Variants in UBN1 observed in about 807,000 individuals in gnomAD.
The protein encoded by UBN1 is ubinuclein-1.
UBN1 carries 17 observed loss-of-function variants against 108.5 expected under a neutral mutation model. That is an observed-to-expected ratio of 0.16 (90% CI 0.11 to 0.24). The LOEUF (loss-of-function observed/expected upper bound fraction) is 0.24, where lower values mean the gene tolerates loss of function less well. Among genes scored for constraint, UBN1 ranks in the 10% least tolerant of loss-of-function variants. UBN1 has a pLI of 1.00. For missense variants in UBN1, 1,595 were observed against 1,394.4 expected, an observed-to-expected ratio of 1.14 and a Z score of -2.29; for synonymous variants, 726 against 564.2, an observed-to-expected ratio of 1.29 and a Z score of -4.07.
chr16:4,862,878 T>G (rs181413801), intron 7 of UBN1, among the ~76,000 whole-genome samples: 7 of 152,246 alleles, frequency 4.6e-5, no homozygotes, highest in Non-Finnish European at 1.0e-4. Flanking sequence ...CAGTTAGCTC[T>G]TGGGCATAAC....
chr16:4,867,341 G>C (rs1242567763), intron 7 of UBN1, among the ~76,000 whole-genome samples: 1 of 152,168 alleles, frequency 6.6e-6, no homozygotes, highest in African/African-American at 2.4e-5. Context: ...CCACTTACAC[G>C]CAGATGTTTT....
chr16:4,865,500 G>C (rs539762737), intron 7 of UBN1, among the ~76,000 whole-genome samples: 1 of 152,050 alleles, frequency 6.6e-6, no homozygotes, highest in African/African-American at 2.4e-5. Flanking sequence ...GGGTAACAGA[G>C]TGAGAAAAAA....
rs1281242692 is a variant in UBN1, at chr16:4,874,830, T to G, written c.2420T>G (p.Phe807Cys). ...GTGCCTGGCCCCCAGGTCAAAGTCT[T>G]TCATGCCGGCACTCAGCAGCAGAAA... ...VPVPGPQVKV[F>C]HAGTQQQKNF... The change falls in exon 15 of 18, where the codon TTT becomes TGT. Residue 807 changes from phenylalanine to cysteine, a missense_variant. Phe to Cys is a radical substitution (Grantham distance 205). Coordinates refer to ENST00000262376, the MANE Select transcript of UBN1 (RefSeq NM_001079514.3). The G allele has an allele frequency of 6.2e-7, 1 of 1,614,082 alleles. No individual in the cohort carries two copies. Among genetic ancestry groups the G allele is most frequent in the East Asian group, 2.2e-5 (1 of 44,876 alleles).
Position 4,874,963 on chromosome 16 carries a change from C to G in UBN1, c.2553C>G (p.Gly851=). Residue 851 remains glycine (G), a synonymous_variant, in exon 15 of 18, where the codon GGC becomes GGG. Transcript: ENST00000262376. ...LLQLVKTAAK[G]QGFHPSAPAT... is the part of the protein sequence containing the mutation. ...AGTTAGTGAAGACAGCGGCCAAAGG[C>G]CAGGGCTTCCATCCCTCTGCACCAG... The G allele has an allele frequency of 6.2e-7, 1 of 1,614,160 alleles. No homozygotes were observed. The highest frequency in any genetic ancestry group is 1.6e-4 in the Middle Eastern group (1 of 6,062).
chr16:4,853,535 C>G (rs72633272), intron 2 of UBN1, among the ~76,000 whole-genome samples: 23,039 of 150,152 alleles, frequency 0.15, 2,025 homozygotes, highest in East Asian at 0.24. Flanking sequence ...CAAAAAAACA[C>G]GTAGACTGCC....
chr16:4,873,142 C>A, intron 14 of UBN1, 69 bp downstream of exon 14: 1 of 1,598,006 alleles, frequency 6.3e-7, no homozygotes, highest in South Asian at 1.1e-5. Context: ...TGGAAACAGT[C>A]AAGTGACTGT....
Position 4,854,869 on chromosome 16 carries a change from C to T in UBN1, c.249+1703C>T, listed in dbSNP as rs1387060175. Among the ~76,000 whole-genome samples, 5 of 152,074 alleles carry T rather than the reference C, an allele frequency of 3.3e-5. No individual in the cohort carries two copies. In the East Asian group the frequency reaches 5.8e-4, roughly 18 times the overall value. On this transcript the variant is annotated intron_variant, in intron 2 of 17. Coordinates refer to ENST00000262376, the MANE Select transcript of UBN1 (RefSeq NM_001079514.3). ...TCTCGAGTAGCTGGGACTACAGGCGCCCGCCACCACGTCTGGTTAATTTTT... is the reference window on the plus strand; with the variant it reads ...TCTCGAGTAGCTGGGACTACAGGCGTCCGCCACCACGTCTGGTTAATTTTT...
chr16:4,870,181 C>A (rs908475022), intron 8 of UBN1, 31 bp from the exon 9 acceptor site: 1 of 1,613,240 alleles, frequency 6.2e-7, no homozygotes, highest in Non-Finnish European at 8.5e-7. Flanking sequence ...CAGTGAGCTG[C>A]AGCCGGTGGT....
chr16:4,865,808 A>G (rs1340084964), intron 7 of UBN1, among the ~76,000 whole-genome samples: 2 of 152,022 alleles, frequency 1.3e-5, no homozygotes, highest in Admixed American at 6.6e-5. Flanking sequence ...TAAAAATACA[A>G]AAAATTAGCC....
At chr16:4,857,859 C>T (rs1596482677) in intron 2 of UBN1, 131 bp from the exon 3 acceptor site, 1 of 667,424 alleles carries the variant, frequency 1.5e-6, no homozygotes, top group East Asian at 2.6e-5. Context: ...GAGATGGTAG[C>T]ATGTTTTCTA....
Position 4,880,139 on chromosome 16 carries a change from C to T in UBN1, c.*7C>T. 1.2e-6 allele frequency: 2 copies of T among 1,613,998 alleles called. No homozygotes were observed. Among genetic ancestry groups the T allele is most frequent in the Non-Finnish European group, 1.7e-6 (2 of 1,179,982 alleles). ...TGTACCACGGAAATTGTGACCGCTTCAGAGGCAAGGCTTGCCACTTGGGTC... is the reference window on the plus strand; with the variant it reads ...TGTACCACGGAAATTGTGACCGCTTTAGAGGCAAGGCTTGCCACTTGGGTC... On this transcript the variant is annotated 3_prime_UTR_variant, in exon 18 of 18. Transcript: ENST00000262376.
chr16:4,849,106 C>T (rs1332280014), intron 1 of UBN1, among the ~76,000 whole-genome samples: 1 of 151,848 alleles, frequency 6.6e-6, no homozygotes, highest in Non-Finnish European at 1.5e-5. Flanking sequence ...CGTCCCCCCG[C>T]CAAAAAGAAA....
At chr16:4,859,298 G>C (rs2086947405) in intron 5 of UBN1, 139 bp downstream of exon 5, 1 of 1,235,548 alleles carries the variant, frequency 8.1e-7, no homozygotes, top group Non-Finnish European at 1.1e-6. Context: ...CAGGTTGATG[G>C]CTCGCCTCTT....
At chr16:4,880,054 G>C in intron 17 of UBN1, 29 bp from the exon 18 acceptor site, 1 of 1,613,386 alleles carries the variant, frequency 6.2e-7, no homozygotes, top group African/African-American at 1.3e-5. Flanking sequence ...TGAAAAACTT[G>C]CGTTCTAATT....
At chr16:4,857,030 G>A (rs1035301649) in intron 2 of UBN1, among the ~76,000 whole-genome samples, 2 of 152,098 alleles carry the variant, frequency 1.3e-5, no homozygotes, top group African/African-American at 4.8e-5. Flanking sequence ...TCGTACAGGA[G>A]TCTTATTAAA....
intron 5 of UBN1, 79 bp from the exon 6 acceptor site, chr16:4,859,786 G>T: frequency 1.3e-6 from 2 of 1,590,558 alleles, no homozygotes; most frequent in Non-Finnish European, 8.6e-7. Flanking sequence ...GCCCCGGGCG[G>T]AGCAAGGCCA....
rs552035949 is a variant in UBN1 at position 4,857,900 on chromosome 16, A to C, written c.250-90A>C. ...CCCTTTTCTGGAAAACATTGTTTTT[A>C]TAGAGGTATTGAGTAATCAGTGAAG... is the stretch of plus-strand genomic sequence containing the variant. On this transcript the variant is annotated intron_variant, in intron 2 of 17. Coordinates refer to ENST00000262376, the MANE Select transcript of UBN1 (RefSeq NM_001079514.3). The C allele has an allele frequency of 1.0e-4, 93 of 897,132 alleles. No individual in the cohort carries two copies. The Middle Eastern group carries it at 1.6e-3, about 15-fold the overall frequency. The allele number at this position is 897,132 out of a possible 1,614,324, so 55.6% of individuals were successfully genotyped here.
chr16:4,880,463 C>T lies in UBN1; in HGVS notation c.*331C>T, dbSNP rs1259903623. ...GGCTCTGGTGGCAGAGCAGTTGGCACACCTGTGGGTGAATCTGCCTGATCC... is the reference window on the plus strand; with the variant it reads ...GGCTCTGGTGGCAGAGCAGTTGGCATACCTGTGGGTGAATCTGCCTGATCC... On this transcript the variant is annotated 3_prime_UTR_variant, in exon 18 of 18. Coordinates refer to ENST00000262376, the MANE Select transcript of UBN1 (RefSeq NM_001079514.3). 6.9e-6 allele frequency: 2 copies of T among 287,958 alleles called. No individual in the cohort carries two copies. Among genetic ancestry groups the T allele is most frequent in the African/African-American group, 4.2e-5 (2 of 47,756 alleles). The allele number at this position is 287,958 out of a possible 1,614,324, so 17.8% of individuals were successfully genotyped here.
chr16:4,874,101 C>T, intron 14 of UBN1, 110 bp from the exon 15 acceptor site: 1 of 1,368,256 alleles, frequency 7.3e-7, no homozygotes, highest in South Asian at 1.5e-5. Flanking sequence ...TGTAATTATA[C>T]AGGAAGGCCC....
Sources: gnomAD v4.1 joint callset for allele counts (sites outside exome capture counted in the v4.1 genomes callset) on GRCh38, gnomAD v4.1.1 for gene constraint, MANE v1.5 for transcripts, NCBI Gene and HGNC (gene_info 2026-07-23, HGNC 2026-07-21) for gene names.